Variants in ARHGEF28 observed in about 807,000 individuals in gnomAD.
ARHGEF28 encodes Rho guanine nucleotide exchange factor 28, also known as 190 kDa guanine nucleotide exchange factor.
A neutral mutation model predicts 206.6 loss-of-function variants in ARHGEF28; 152 were observed. The ratio of observed to expected loss-of-function variants is 0.74; its 90% CI spans 0.64 to 0.84. ARHGEF28 has a LOEUF of 0.84. Among genes scored for constraint, ARHGEF28 ranks in the 40% least tolerant of loss-of-function variants. ARHGEF28 has a pLI of 0.00. For missense variants in ARHGEF28, 2,028 were observed against 2,073.2 expected (o/e 0.98, Z 0.42); for synonymous variants, 763 against 776.4 (o/e 0.98, Z 0.29).
intron 35 of ARHGEF28, among the ~76,000 whole-genome samples, chr5:73,913,144 A>G (rs1437802300): frequency 2.6e-5 from 4 of 152,262 alleles, no homozygotes; most frequent in African/African-American, 9.6e-5. Flanking sequence ...GCCAAAGGAA[A>G]TGCTGAGAAA....
chr5:73,928,291 C>CTT (rs1391475872), intron 35 of ARHGEF28, among the ~76,000 whole-genome samples: 1 of 152,186 alleles, frequency 6.6e-6, no homozygotes, highest in Non-Finnish European at 1.5e-5. Context: ...TGGCAGGTGC[C>CTT]TTTAATCCCA....
Position 73,840,775 on chromosome 5 carries a change from T to C in ARHGEF28, c.1427+15T>C, listed in dbSNP as rs769122575. ...AAGAAAAGAAGGTAAGAGTCTATAT[T>C]GTAGAGGAAAACTGTAGAACATCAA... On this transcript the variant is annotated intron_variant, in intron 11 of 35. Transcript: ENST00000513042. 1 of 1,596,082 alleles carries C rather than the reference T, an allele frequency of 6.3e-7. No homozygotes were observed. The highest frequency in any genetic ancestry group is 8.5e-7 in the Non-Finnish European group (1 of 1,170,876).
At chr5:73,882,686 C>T in intron 23 of ARHGEF28, 92 bp downstream of exon 23, 1 of 1,181,822 alleles carries the variant, frequency 8.5e-7, no homozygotes, top group Non-Finnish European at 1.1e-6. Flanking sequence ...AATTTCTTAG[C>T]TAATGATGCT....
At chr5:73,698,963 G>A (rs1244993859) in intron 2 of ARHGEF28, among the ~76,000 whole-genome samples, 1 of 152,034 alleles carries the variant, frequency 6.6e-6, no homozygotes, top group Non-Finnish European at 1.5e-5. Context: ...GGCAGTGCTG[G>A]CATTGGAACC....
chr5:73,903,314 T>C (rs1762375800), intron 31 of ARHGEF28: 1 of 152,228 alleles, frequency 6.6e-6, no homozygotes, highest in Non-Finnish European at 1.5e-5. Flanking sequence ...GGGTGATCGA[T>C]ATTTATTTAT....
intron 26 of ARHGEF28, 59 bp from the exon 27 acceptor site, chr5:73,891,993 A>G: frequency 6.8e-7 from 1 of 1,479,658 alleles, no homozygotes; most frequent in Non-Finnish European, 9.2e-7. Flanking sequence ...CTCATGTTTT[A>G]CGGAGCCTTA....
At chr5:73,824,472 C>CTT (rs59155790) in intron 9 of ARHGEF28, among the ~76,000 whole-genome samples, 5 of 142,142 alleles carry the variant, frequency 3.5e-5, no homozygotes, top group African/African-American at 5.2e-5. Context: ...GGTTTGAAGA[C>CTT]TTTTTTTTTT....
chr5:73,915,293 AG>A, intron 35 of ARHGEF28, among the ~76,000 whole-genome samples: 1 of 152,250 alleles, frequency 6.6e-6, no homozygotes, highest in Middle Eastern at 3.4e-3. Context: ...TTTTCTCATA[AG>A]GGATATTTTC....
chr5:73,707,100 C>T (rs1748984827), intron 2 of ARHGEF28, among the ~76,000 whole-genome samples: 1 of 152,150 alleles, frequency 6.6e-6, no homozygotes, highest in South Asian at 2.1e-4. Flanking sequence ...ACCCCAGGTC[C>T]TCCCCTTGGA....
chr5:73,872,588 A>C (rs562686886), intron 21 of ARHGEF28, among the ~76,000 whole-genome samples: 1 of 152,216 alleles, frequency 6.6e-6, no homozygotes, highest in Non-Finnish European at 1.5e-5. Flanking sequence ...TCATTTCACC[A>C]AATTAATTGT....
chr5:73,785,038 G>A lies in ARHGEF28; in HGVS notation c.910+4293G>A, dbSNP rs142657090. On this transcript the variant is annotated intron_variant, in intron 7 of 35. Coordinates refer to ENST00000513042, the MANE Select transcript of ARHGEF28 (RefSeq NM_001177693.2). ...GGTGGGAAGGAGTGAGATATCATGA[G>A]ATTTCATCATACTACTCAAGAATGG... Among the ~76,000 whole-genome samples the A allele has an allele frequency of 7.5e-3, 1,141 of 152,208 alleles. 22 individuals are homozygous for A. Among genetic ancestry groups the A allele is most frequent in the African/African-American group, 0.026 (1,061 of 41,524 alleles).
intron 20 of ARHGEF28, among the ~76,000 whole-genome samples, chr5:73,869,221 G>GC (rs1561470963): frequency 1.1e-5 from 1 of 89,668 alleles, no homozygotes; most frequent in African/African-American, 5.1e-5. Context: ...TGTGTGTGGG[G>GC]TGGAGGGGGG....
At chr5:73,750,037 C>T in intron 3 of ARHGEF28, 53 bp downstream of exon 3, 1 of 1,595,854 alleles carries the variant, frequency 6.3e-7, no homozygotes, top group South Asian at 1.1e-5. Flanking sequence ...AAATAACTTC[C>T]CTCCAGGGCT....
chr5:73,776,550 G>A lies in ARHGEF28; in HGVS notation c.694G>A (p.Val232Met). ...CAGATGGTCCCCAAGCTTCTCCCGA[G>A]TGCAGCTCAGTGAAGAAGCCTCCTT... ...QGRWSPSFSR[V>M]QLSEEASLHY... Residue 232 changes from valine (V) to methionine (M), a missense_variant, in exon 6 of 36, where the codon GTG becomes ATG. Physicochemically the swap from Val to Met is conservative, Grantham distance 21. This residue lies in a region of ARHGEF28 where 1,002 missense variants were observed against 1,015.3 expected (regional missense o/e 0.99). Coordinates refer to ENST00000513042, the MANE Select transcript of ARHGEF28 (RefSeq NM_001177693.2). 2 of 1,613,306 alleles carry A rather than the reference G, an allele frequency of 1.2e-6. No homozygotes were observed. Among genetic ancestry groups the A allele is most frequent in the Non-Finnish European group, 1.7e-6 (2 of 1,179,430 alleles).
chr5:73,809,815 G>T (rs994262292), intron 9 of ARHGEF28, among the ~76,000 whole-genome samples: 1 of 152,146 alleles, frequency 6.6e-6, no homozygotes, highest in African/African-American at 2.4e-5. Flanking sequence ...TCAGGCGAAT[G>T]TATCTTCCAT....
At chr5:73,843,003 A>G (rs1307240604) in intron 11 of ARHGEF28, among the ~76,000 whole-genome samples, 1 of 151,934 alleles carries the variant, frequency 6.6e-6, no homozygotes, top group East Asian at 1.9e-4. Flanking sequence ...AAAAAAAAAA[A>G]AAAGTCTGTC....
intron 2 of ARHGEF28, among the ~76,000 whole-genome samples, chr5:73,734,639 A>G (rs1176598050): frequency 6.6e-6 from 1 of 152,150 alleles, no homozygotes; most frequent in African/African-American, 2.4e-5. Flanking sequence ...AAAATCAGAT[A>G]CACAACTGAG....
intron 1 of ARHGEF28, among the ~76,000 whole-genome samples, chr5:73,681,422 A>T (rs1256952023): frequency 6.6e-6 from 1 of 152,094 alleles, no homozygotes; most frequent in Non-Finnish European, 1.5e-5. Flanking sequence ...AACAATTTAT[A>T]CTCGGAATAG....
At chr5:73,810,946 G>A (rs540528266) in intron 9 of ARHGEF28, among the ~76,000 whole-genome samples, 3 of 152,188 alleles carry the variant, frequency 2.0e-5, no homozygotes, top group African/African-American at 7.2e-5. Flanking sequence ...TCAACTGTAA[G>A]AAGTATAGTA....
Sources: gnomAD v4.1 joint callset for allele counts (sites outside exome capture counted in the v4.1 genomes callset) on GRCh38, gnomAD v4.1.1 for gene constraint, gnomAD v4.1.1 regional missense constraint, MANE v1.5 for transcripts, NCBI Gene and HGNC (gene_info 2026-07-23, HGNC 2026-07-21) for gene names.